Variants in PRKCA observed in about 807,000 individuals in gnomAD.
The protein encoded by PRKCA is protein kinase C alpha.
In PRKCA, 27 loss-of-function variants were observed where a neutral mutation model predicts 87.0. The ratio of observed to expected loss-of-function variants is 0.31; its 90% CI spans 0.23 to 0.43. PRKCA has a LOEUF of 0.43. Ranked by LOEUF, PRKCA falls within the 20% of genes least tolerant of loss-of-function variation. The pLI is 1.00. For missense variants in PRKCA, 518 were observed against 852.3 expected, an observed-to-expected ratio of 0.61 and a Z score of 4.88; for synonymous variants, 329 against 311.1, an observed-to-expected ratio of 1.06 and a Z score of -0.61.
intron 3 of PRKCA, among the ~76,000 whole-genome samples, chr17:66,546,490 T>C (rs1302022191): frequency 6.6e-6 from 1 of 152,220 alleles, no homozygotes; most frequent in Non-Finnish European, 1.5e-5. Flanking sequence ...TTTTCCTACG[T>C]TGTGTTAGTT....
At chr17:66,557,265 CTT>C (rs1968525528) in intron 3 of PRKCA, among the ~76,000 whole-genome samples, 1 of 152,078 alleles carries the variant, frequency 6.6e-6, no homozygotes, top group Non-Finnish European at 1.5e-5. Context: ...TATTCAGAGA[CTT>C]CTCTCTGTGA....
intron 3 of PRKCA, among the ~76,000 whole-genome samples, chr17:66,511,475 C>A (rs1917225437): frequency 1.3e-5 from 2 of 152,136 alleles, no homozygotes; most frequent in African/African-American, 2.4e-5. Flanking sequence ...TTAGGTAATT[C>A]ATCGTAATCG....
At chr17:66,568,554 C>T (rs577401689) in intron 3 of PRKCA, among the ~76,000 whole-genome samples, 61 of 152,112 alleles carry the variant, frequency 4.0e-4, no homozygotes, top group African/African-American at 1.4e-3. Context: ...ACTGCTGTTG[C>T]CATGGACAGC....
chr17:66,797,271 C>G (rs1419295800), intron 16 of PRKCA, among the ~76,000 whole-genome samples: 1 of 152,226 alleles, frequency 6.6e-6, no homozygotes, highest in Non-Finnish European at 1.5e-5. Flanking sequence ...GGGCACACTG[C>G]AATCCCAGAT....
Position 66,377,701 on chromosome 17 carries a change from T to TA in PRKCA, c.205+71574_205+71575insA, listed in dbSNP as rs1491432626. Among the ~76,000 whole-genome samples the TA allele has an allele frequency of 7.4e-3, 573 of 77,744 alleles. 25 individuals carry two copies. The highest frequency in any genetic ancestry group is 0.031 in the Middle Eastern group (3 of 96). The allele number at this position is 77,744 out of a possible 152,430, so 51.0% of individuals were successfully genotyped here. Reference sequence around the variant, plus strand: ...ATTATATATATATAAAGTCTATGTTTTATATATATATATATATATATTTTT... The same window carrying TA: ...ATTATATATATATAAAGTCTATGTTTATATATATATATATATATATATTTTT... On this transcript the variant is annotated intron_variant, in intron 2 of 16. Transcript: ENST00000413366.
intron 5 of PRKCA, among the ~76,000 whole-genome samples, chr17:66,664,958 C>T (rs900426180): frequency 2.6e-5 from 4 of 151,984 alleles, no homozygotes; most frequent in African/African-American, 9.7e-5. Flanking sequence ...TTTTATATGC[C>T]AACCCTGAAA....
rs138540711 is a variant in PRKCA, at chr17:66,665,636, G to A, written c.529+20125G>A. Reference sequence around the variant, plus strand: ...GGGGTAGAGTACTTCCCCACCCCAGGCTTCCTGAATCAGATTCTCTAAGAA... The same window carrying A: ...GGGGTAGAGTACTTCCCCACCCCAGACTTCCTGAATCAGATTCTCTAAGAA... On this transcript the variant is annotated intron_variant, in intron 5 of 16. Coordinates refer to ENST00000413366, the MANE Select transcript of PRKCA (RefSeq NM_002737.3). Among the ~76,000 whole-genome samples the A allele has an allele frequency of 3.5e-3, 536 of 152,220 alleles. 1 individual carries two copies. The highest frequency in any genetic ancestry group is 4.8e-3 in the Non-Finnish European group (325 of 68,008).
At chr17:66,530,857 A>G (rs1206046114) in intron 3 of PRKCA, among the ~76,000 whole-genome samples, 1 of 132,560 alleles carries the variant, frequency 7.5e-6, no homozygotes, top group Non-Finnish European at 1.5e-5. Flanking sequence ...TGGAGGATCT[A>G]AAAAAAAAAT....
chr17:66,775,817 G>A, intron 14 of PRKCA: 5 of 956,668 alleles, frequency 5.2e-6, no homozygotes, highest in African/African-American at 1.8e-5. Context: ...AAACAGACGA[G>A]AATCCTTAAC....
intron 11 of PRKCA, among the ~76,000 whole-genome samples, chr17:66,740,108 A>T (rs144735168): frequency 6.6e-6 from 1 of 151,686 alleles, no homozygotes; most frequent in East Asian, 2.0e-4. Flanking sequence ...GTGAGACCCC[A>T]TTTCAGGCTT....
chr17:66,488,502 T>C (rs1916083565), intron 2 of PRKCA, among the ~76,000 whole-genome samples: 1 of 152,180 alleles, frequency 6.6e-6, no homozygotes, highest in South Asian at 2.1e-4. Context: ...GGCCGGGAGC[T>C]TGGGGCCGTT....
At chr17:66,507,262 T>G (rs2144154935) in intron 3 of PRKCA, among the ~76,000 whole-genome samples, 1 of 152,354 alleles carries the variant, frequency 6.6e-6, no homozygotes, top group African/African-American at 2.4e-5. Context: ...GCATTATTGT[T>G]CCCATTGTAC....
intron 3 of PRKCA, among the ~76,000 whole-genome samples, chr17:66,633,391 C>T (rs1326144906): frequency 6.6e-6 from 1 of 152,160 alleles, no homozygotes; most frequent in East Asian, 1.9e-4. Flanking sequence ...GCCCTTGAAG[C>T]AGTGTTTTGG....
Position 66,328,767 on chromosome 17 carries a change from T to C in PRKCA, c.205+22640T>C, listed in dbSNP as rs546228154. On this transcript the variant is annotated intron_variant, in intron 2 of 16. Transcript: ENST00000413366. ...GAGCTGAGATGGTGCCACTGCACTC[T>C]AGCCTGGGTGACAGAGCCGGACTCC... Among the ~76,000 whole-genome samples the C allele has an allele frequency of 4.4e-4, 67 of 152,258 alleles. No individual in the cohort carries two copies. In the South Asian group the frequency reaches 0.013, roughly 29 times the overall value.
At chr17:66,770,765 T>C (rs534440075) in intron 13 of PRKCA, among the ~76,000 whole-genome samples, 1 of 152,022 alleles carries the variant, frequency 6.6e-6, no homozygotes, top group East Asian at 1.9e-4. Flanking sequence ...ATCTGGGAAG[T>C]AGTGGATGTG....
chr17:66,542,705 T>C (rs952166139), intron 3 of PRKCA, among the ~76,000 whole-genome samples: 11 of 152,130 alleles, frequency 7.2e-5, no homozygotes, highest in East Asian at 3.9e-4. Context: ...GTGGGAGCCA[T>C]TGGGGAGTCT....
At chr17:66,308,030 C>G (rs1407994607) in intron 2 of PRKCA, among the ~76,000 whole-genome samples, 3 of 152,174 alleles carry the variant, frequency 2.0e-5, no homozygotes. Flanking sequence ...CTGCCTTACT[C>G]TGCTTAGTGG....
rs1157849884 is a variant in PRKCA, at chr17:66,805,046, A to C, written c.*1009A>C. 7 of 982,936 alleles carry C rather than the reference A, an allele frequency of 7.1e-6. No individual in the cohort carries two copies. The highest frequency in any genetic ancestry group is 8.5e-6 in the Non-Finnish European group (7 of 827,712). The allele number at this position is 982,936 out of a possible 1,614,324, so 60.9% of individuals were successfully genotyped here. On this transcript the variant is annotated 3_prime_UTR_variant, in exon 17 of 17. Transcript: ENST00000413366. ...CGCTTATGAAAGTACGATGTACAGT[A>C]ACTTAATGGAAGTGCTGACTCTAGC...
chr17:66,801,958 C>T (rs1296724066), intron 16 of PRKCA, among the ~76,000 whole-genome samples: 3 of 152,216 alleles, frequency 2.0e-5, no homozygotes, highest in Non-Finnish European at 4.4e-5. Context: ...CGGTGGCTCA[C>T]ACCTGTAATC....
Sources: gnomAD v4.1 joint callset for allele counts (sites outside exome capture counted in the v4.1 genomes callset) on GRCh38, gnomAD v4.1.1 for gene constraint, MANE v1.5 for transcripts, NCBI Gene and HGNC (gene_info 2026-07-23, HGNC 2026-07-21) for gene names.